MYO3A: variants seen among roughly 807,000 people sequenced by gnomAD.
MYO3A encodes myosin IIIA, also known as myosin-IIIa.
Under a neutral mutation model 192.7 loss-of-function variants are expected in MYO3A, and 180 were observed. That is an observed-to-expected ratio of 0.93 (90% CI 0.83 to 1.06). The LOEUF (loss-of-function observed/expected upper bound fraction) is 1.06, where lower values mean the gene tolerates loss of function less well. MYO3A is among the 50% of genes least tolerant of loss of function. MYO3A has a pLI of 0.00. For missense variants in MYO3A, 1,896 were observed against 1,905.0 expected (o/e 1.00, Z 0.09); for synonymous variants, 628 against 645.3 (o/e 0.97, Z 0.41).
chr10:26,173,449 C>A (rs985257659), intron 29 of MYO3A, among the ~76,000 whole-genome samples: 1 of 152,198 alleles, frequency 6.6e-6, no homozygotes, highest in African/African-American at 2.4e-5. Context: ...CGAGTTGAAT[C>A]TGGTTTTCTC....
At chr10:26,179,885 G>A (rs1307694022) in intron 31 of MYO3A, among the ~76,000 whole-genome samples, 1 of 152,172 alleles carries the variant, frequency 6.6e-6, no homozygotes, top group Non-Finnish European at 1.5e-5. Flanking sequence ...CCAGGCTGGA[G>A]TGCAGTGGCA....
chr10:26,111,459 C>A (rs1191469090), intron 17 of MYO3A, among the ~76,000 whole-genome samples: 1 of 152,174 alleles, frequency 6.6e-6, no homozygotes, highest in Non-Finnish European at 1.5e-5. Context: ...CTACCCCTAC[C>A]CTTTCCTAGG....
chr10:26,037,964 G>A (rs574158004), intron 10 of MYO3A, among the ~76,000 whole-genome samples: 7 of 152,090 alleles, frequency 4.6e-5, no homozygotes, highest in South Asian at 2.1e-4. Context: ...GATTTGGGTC[G>A]GGGCACAGAG....
chr10:25,974,979 TAGCCATCTGTAGGCTGGGA>T (rs1383646738), intron 4 of MYO3A, among the ~76,000 whole-genome samples: 8 of 152,188 alleles, frequency 5.3e-5, no homozygotes, highest in African/African-American at 1.9e-4. Context: ...GTCTGCAAGC[TAGCCATCTGTAGGCTGGGA>T]AGTGTGGCCT....
chr10:26,001,638 A>C (rs2204023), intron 6 of MYO3A, among the ~76,000 whole-genome samples: 1 of 151,904 alleles, frequency 6.6e-6, no homozygotes, highest in Non-Finnish European at 1.5e-5. Context: ...TTAAACTAGA[A>C]AGCCACCATG....
intron 10 of MYO3A, among the ~76,000 whole-genome samples, chr10:26,044,829 G>T (rs1843545367): frequency 6.6e-6 from 1 of 152,304 alleles, no homozygotes; most frequent in East Asian, 1.9e-4. Context: ...TAAAAGGAGG[G>T]TACAAGCAGC....
rs150138900 is a variant in MYO3A at position 26,073,798 on chromosome 10, A to G, written c.1359+3397A>G. Among the ~76,000 whole-genome samples, 670 of 152,216 alleles carry G rather than the reference A, an allele frequency of 4.4e-3. 4 individuals are homozygous for G. The highest frequency in any genetic ancestry group is 0.015 in the African/African-American group (641 of 41,534). On this transcript the variant is annotated intron_variant, in intron 14 of 34. Transcript: ENST00000642920. ...TTTAAAACAATACAGACAGAAGCAG[A>G]TCAGTGATTATCAGGAAATGGGGGT...
chr10:26,068,322 A>G (rs1834980051), intron 11 of MYO3A, among the ~76,000 whole-genome samples: 1 of 152,162 alleles, frequency 6.6e-6, no homozygotes, highest in Admixed American at 6.5e-5. Context: ...TTTTCATAGT[A>G]CTTCATAAAG....
intron 2 of MYO3A, among the ~76,000 whole-genome samples, chr10:25,950,524 T>C (rs1312559304): frequency 6.6e-6 from 1 of 152,150 alleles, no homozygotes; most frequent in East Asian, 1.9e-4. Context: ...GAATTTTAAG[T>C]GAAACTAGTC....
At chr10:26,041,364 T>TG (rs1554810997) in intron 10 of MYO3A, among the ~76,000 whole-genome samples, 2 of 151,690 alleles carry the variant, frequency 1.3e-5, no homozygotes, top group Non-Finnish European at 2.9e-5. Context: ...TTGTTGTTGT[T>TG]TTTATCCATT....
chr10:25,993,688 G>A (rs1446173072), intron 4 of MYO3A, among the ~76,000 whole-genome samples: 1 of 152,166 alleles, frequency 6.6e-6, no homozygotes, highest in African/African-American at 2.4e-5. Flanking sequence ...CTTTAAATGT[G>A]TCCCAGAGAT....
intron 20 of MYO3A, among the ~76,000 whole-genome samples, chr10:26,141,712 C>T (rs1483227883): frequency 6.6e-6 from 1 of 152,158 alleles, no homozygotes; most frequent in Non-Finnish European, 1.5e-5. Flanking sequence ...CCCAAGGTTA[C>T]CTTCAAATAC....
Position 26,173,688 on chromosome 10 carries a change from GA to G in MYO3A, c.3428del (p.Asn1143MetfsTer21), listed in dbSNP as rs1186757810. ...TRESFVKKQA[E>X]NAISANERFI... ...GGAATCTTTCGTGAAGAAACAAGCA[GA>G]AAATGCAATCTCTGCTAATGAAAGA... On this transcript the variant is annotated frameshift_variant, in exon 30 of 35. Coordinates refer to ENST00000642920, the MANE Select transcript of MYO3A (RefSeq NM_017433.5). LOFTEE classifies it high-confidence loss of function. The G allele has an allele frequency of 3.7e-6, 6 of 1,613,646 alleles. No individual in the cohort carries two copies. The highest frequency in any genetic ancestry group is 5.1e-6 in the Non-Finnish European group (6 of 1,179,862).
chr10:26,194,548 G>A (rs1042025434), intron 32 of MYO3A, among the ~76,000 whole-genome samples: 11 of 152,166 alleles, frequency 7.2e-5, no homozygotes, highest in African/African-American at 2.7e-4. Context: ...GAACCCAGAG[G>A]ATGTGTTGAA....
At position 26,070,412 on chromosome 10, in the gene MYO3A, T is replaced by G; in HGVS notation, c.1359+11T>G. 1.2e-6 allele frequency: 2 copies of G among 1,604,362 alleles called. No individual in the cohort carries two copies. The highest frequency in any genetic ancestry group is 1.7e-6 in the Non-Finnish European group (2 of 1,172,836). Reference sequence around the variant, plus strand: ...ACAGTGCTTGGAAAGGTATAATTTATTTTTTTCTCTGTCCCATCAGAAATA... The same window carrying G: ...ACAGTGCTTGGAAAGGTATAATTTAGTTTTTTCTCTGTCCCATCAGAAATA... On this transcript the variant is annotated intron_variant, in intron 14 of 34. Transcript: ENST00000642920.
At chr10:26,062,515 C>CAAAAAAAAAA (rs573334201) in intron 10 of MYO3A, among the ~76,000 whole-genome samples, 45 of 42,204 alleles carry the variant, frequency 1.1e-3, no homozygotes, top group Non-Finnish European at 1.3e-3. Flanking sequence ...GATGCCATCT[C>CAAAAAAAAAA]AAAAAAAAAA....
intron 4 of MYO3A, among the ~76,000 whole-genome samples, chr10:25,985,079 A>C (rs1411302919): frequency 6.6e-6 from 1 of 152,010 alleles, no homozygotes; most frequent in Non-Finnish European, 1.5e-5. Flanking sequence ...TTCTACTAAA[A>C]TTCAAAAAAT....
intron 10 of MYO3A, among the ~76,000 whole-genome samples, chr10:26,060,281 AT>A (rs1834376694): frequency 7.2e-6 from 1 of 138,886 alleles, no homozygotes. Flanking sequence ...AAATAAATAC[AT>A]ACATAAATAA....
intron 7 of MYO3A, 134 bp from the exon 8 acceptor site, chr10:26,021,367 TAA>T: frequency 9.7e-7 from 1 of 1,029,922 alleles, no homozygotes; most frequent in Admixed American, 1.9e-5. Flanking sequence ...ATTCTCCTCC[TAA>T]GTTACTGCCT....
Sources: gnomAD v4.1 joint callset for allele counts (sites outside exome capture counted in the v4.1 genomes callset) on GRCh38, gnomAD v4.1.1 for gene constraint, MANE v1.5 for transcripts, NCBI Gene and HGNC (gene_info 2026-07-23, HGNC 2026-07-21) for gene names.